SOAT1: variants seen among roughly 807,000 people sequenced by gnomAD.
The protein encoded by SOAT1 is sterol O-acyltransferase 1, also known as acyl-coenzyme A:cholesterol acyltransferase 1.
In SOAT1, 55 loss-of-function variants were observed where a neutral mutation model predicts 69.5. The observed-to-expected ratio is 0.79, with a 90% CI of 0.64 to 0.99. SOAT1 has a LOEUF of 0.99. Ranked by LOEUF, SOAT1 falls within the 50% of genes least tolerant of loss-of-function variation. The pLI is 0.00. For missense variants in SOAT1, 580 were observed against 669.3 expected (o/e 0.87, Z 1.47); for synonymous variants, 231 against 224.7 (o/e 1.03, Z -0.25).
In SOAT1 at chr1:179,347,673, C is replaced by A; in HGVS notation, c.1191C>A (p.Arg397=). Reference sequence around the variant, plus strand: ...TCAATGCCTTTGCTGAGATGTTACGCTTTGGTGACAGGATGTTCTATAAGG... The same window carrying A: ...TCAATGCCTTTGCTGAGATGTTACGATTTGGTGACAGGATGTTCTATAAGG... ...CWLNAFAEML[R]FGDRMFYKDW... is the part of the protein sequence containing the mutation. The change falls in exon 12 of 16, where the codon CGC becomes CGA. Residue 397 remains arginine, a synonymous_variant. Transcript: ENST00000367619. 6.2e-7 allele frequency: 1 copy of A among 1,611,622 alleles called. No homozygotes were observed. The highest frequency in any genetic ancestry group is 8.5e-7 in the Non-Finnish European group (1 of 1,177,930).
intron 14 of SOAT1, among the ~76,000 whole-genome samples, chr1:179,351,021 CTTTTTTTTT>C (rs201449849): frequency 1.2e-3 from 154 of 127,570 alleles, no homozygotes; most frequent in Admixed American, 1.5e-3. Context: ...ATATTTCTTT[CTTTTTTTTT>C]TTTTTTTTTT....
chr1:179,319,113 TTG>T lies in SOAT1; in HGVS notation c.119-4320_119-4319del, dbSNP rs1266106365. Among the ~76,000 whole-genome samples the T allele has an allele frequency of 2.0e-5, 3 of 152,114 alleles. No individual in the cohort carries two copies. The East Asian group carries it at 5.8e-4, about 29-fold the overall frequency. The stretch of plus-strand genomic sequence containing the variant: ...TCACATTCAAGCCAACACTTGTTGT[TTG>T]TGTTTTTGATTATAGCCATCCTAGT... On this transcript the variant is annotated intron_variant, in intron 2 of 15. Coordinates refer to ENST00000367619, the MANE Select transcript of SOAT1 (RefSeq NM_003101.6).
At chr1:179,343,506 A>G (rs916541696) in intron 9 of SOAT1, 84 bp from the exon 10 acceptor site, 1 of 1,280,754 alleles carries the variant, frequency 7.8e-7, no homozygotes. Flanking sequence ...ACCGCGCCTG[A>G]CCAAAAAACA....
At chr1:179,320,442 A>AT (rs905981974) in intron 2 of SOAT1, among the ~76,000 whole-genome samples, 45 of 147,990 alleles carry the variant, frequency 3.0e-4, no homozygotes, top group Admixed American at 1.2e-3. Context: ...CAGCTTTGTT[A>AT]TTTTTTTTTT....
At chr1:179,309,854 TTTAA>T (rs1188512585) in intron 2 of SOAT1, among the ~76,000 whole-genome samples, 4 of 111,062 alleles carry the variant, frequency 3.6e-5, no homozygotes, top group Admixed American at 1.1e-4. Flanking sequence ...CAAATATTCT[TTTAA>T]TTGTTATAAT....
intron 13 of SOAT1, 134 bp downstream of exon 13, chr1:179,349,076 C>T (rs1174212473): frequency 3.2e-6 from 2 of 619,372 alleles, no homozygotes; most frequent in East Asian, 5.5e-5. Flanking sequence ...TTTCAGTTTT[C>T]TTTTGAGAAA....
intron 2 of SOAT1, among the ~76,000 whole-genome samples, chr1:179,308,996 G>A (rs931292854): frequency 6.6e-6 from 1 of 152,144 alleles, no homozygotes; most frequent in African/African-American, 2.4e-5. Context: ...GGAAACTTAG[G>A]CTGTTTCCAA....
At position 179,295,003 on chromosome 1, in the gene SOAT1, G is replaced by C. The variant is rs569692987; in HGVS notation, c.-9+1067G>C. Among the ~76,000 whole-genome samples, 32 of 151,880 alleles carry C rather than the reference G, an allele frequency of 2.1e-4. No individual in the cohort carries two copies. The South Asian group carries it at 5.6e-3, about 27-fold the overall frequency. ...TGAATGACTTGTTAAGGAAGTCTGT[G>C]CGTTGTCTGGGTGTGAGAATGGGTT... On this transcript the variant is annotated intron_variant, in intron 1 of 15. Transcript: ENST00000367619.
intron 2 of SOAT1, among the ~76,000 whole-genome samples, chr1:179,320,403 A>G (rs149593844): frequency 4.6e-4 from 70 of 151,510 alleles, no homozygotes; most frequent in African/African-American, 1.6e-3. Flanking sequence ...CTATGTGTCT[A>G]TCTCTAAAAT....
chr1:179,353,607 G>C lies in SOAT1; in HGVS notation c.1619G>C (p.Arg540Pro), dbSNP rs547114418. ...CAGCCCACATTTTTGGATTATGTCC[G>C]GCCACGTTCCTGGACTTGTCGTTAC... ...LKNPTFLDYV[R>P]PRSWTCRYVF is the part of the protein sequence containing the mutation. Residue 540 changes from arginine (R) to proline (P), a missense_variant, in exon 16 of 16, where the codon CGG (arginine) becomes CCG (proline). By Grantham distance (103) the Arg-to-Pro change is moderately radical (BLOSUM62 -2). Coordinates refer to ENST00000367619, the MANE Select transcript of SOAT1 (RefSeq NM_003101.6). The C allele has an allele frequency of 5.0e-6, 8 of 1,613,352 alleles. 1 individual carries two copies. Among genetic ancestry groups the C allele is most frequent in the Non-Finnish European group, 6.8e-6 (8 of 1,179,654 alleles).
chr1:179,348,849 G>A lies in SOAT1; in HGVS notation c.1221G>A (p.Trp407Ter). 6.3e-7 allele frequency: 1 copy of A among 1,580,162 alleles called. No homozygotes were observed. The highest frequency in any genetic ancestry group is 8.7e-7 in the Non-Finnish European group (1 of 1,151,742). The change falls in exon 13 of 16, where the codon TGG becomes TGA. Residue 407 changes from tryptophan to a stop codon, truncating the protein, a stop_gained. Transcript: ENST00000367619. LOFTEE classifies it high-confidence loss of function. Reference protein sequence around the residue: ...RFGDRMFYKDWWNSTSYSNYY... With the variant: ...RFGDRMFYKD ...ACCTTTACTTTTTCCCTCAGGATTG[G>A]TGGAACTCCACGTCATACTCCAACT... is the stretch of plus-strand genomic sequence containing the variant.
At chr1:179,335,417 G>C in intron 3 of SOAT1, 89 bp from the exon 4 acceptor site, 9 of 1,127,920 alleles carry the variant, frequency 8.0e-6, no homozygotes, top group Non-Finnish European at 1.0e-5. Flanking sequence ...TTTTGATCCA[G>C]CTCTGTTTAA....
At position 179,337,901 on chromosome 1, in the gene SOAT1, G is replaced by A; in HGVS notation, c.389+5G>A. 2 of 1,584,322 alleles carry A rather than the reference G, an allele frequency of 1.3e-6. No individual in the cohort carries two copies. Among genetic ancestry groups the A allele is most frequent in the Non-Finnish European group, 1.7e-6 (2 of 1,163,472 alleles). ...TGCAAGGCGCTCTCTCTTAGAGTGA[G>A]TATTTTTAGTTGTTTTTAAATATGT... On this transcript the variant is annotated splice_donor_5th_base_variant and intron_variant, in intron 5 of 15. Coordinates refer to ENST00000367619, the MANE Select transcript of SOAT1 (RefSeq NM_003101.6).
chr1:179,335,090 A>T (rs945617431), intron 3 of SOAT1, among the ~76,000 whole-genome samples: 6 of 151,714 alleles, frequency 4.0e-5, no homozygotes, highest in African/African-American at 1.5e-4. Context: ...GGGATAAGGC[A>T]CAGTGCCGCC....
intron 2 of SOAT1, among the ~76,000 whole-genome samples, chr1:179,319,771 A>G (rs61824364): frequency 0.22 from 33,006 of 151,824 alleles, 4,590 homozygotes; most frequent in East Asian, 0.38. Context: ...TGCGCATCCC[A>G]CGCCCAGCTA....
At chr1:179,342,007 C>T in intron 7 of SOAT1, 107 bp from the exon 8 acceptor site, 1 of 1,437,782 alleles carries the variant, frequency 7.0e-7, no homozygotes, top group African/African-American at 1.4e-5. Context: ...ATACACTTAT[C>T]AGGATTTTCT....
intron 2 of SOAT1, among the ~76,000 whole-genome samples, chr1:179,313,763 T>C (rs575535463): frequency 2.6e-5 from 4 of 152,270 alleles, no homozygotes; most frequent in African/African-American, 4.8e-5. Flanking sequence ...TTTGTATTTT[T>C]AGTAGAGACG....
rs975621432 is a variant in SOAT1 at position 179,358,362 on chromosome 1, T to G, written c.*4721T>G. On this transcript the variant is annotated 3_prime_UTR_variant, in exon 16 of 16. Transcript: ENST00000367619. The stretch of plus-strand genomic sequence containing the variant: ...AATGGAGTGATAAACTTTAAGCTAG[T>G]AGATACTGCACCATGTCTTGTGGTG... 36 of 152,214 alleles carry G rather than the reference T, an allele frequency of 2.4e-4. No individual in the cohort carries two copies. Among genetic ancestry groups the G allele is most frequent in the African/African-American group, 8.4e-4 (35 of 41,456 alleles). The allele number at this position is 152,214 out of a possible 1,614,324, so 9.4% of individuals were successfully genotyped here.
intron 2 of SOAT1, among the ~76,000 whole-genome samples, chr1:179,320,714 A>G (rs1299444452): frequency 1.3e-5 from 2 of 151,980 alleles, no homozygotes; most frequent in Non-Finnish European, 1.5e-5. Flanking sequence ...AAGTTGATGA[A>G]CTCACATTCT....
Sources: allele counts gnomAD v4.1 joint callset (sites outside exome capture counted in the v4.1 genomes callset), GRCh38; gene constraint gnomAD v4.1.1; transcripts MANE v1.5; gene names NCBI Gene and HGNC (gene_info 2026-07-23, HGNC 2026-07-21).